SLC1A1: variants seen among roughly 807,000 people sequenced by gnomAD.
SLC1A1 encodes excitatory amino acid transporter 3.
A neutral mutation model predicts 53.3 loss-of-function variants in SLC1A1; 43 were observed. The ratio of observed to expected loss-of-function variants is 0.81; its 90% CI spans 0.63 to 1.04. The LOEUF is 1.04. Ranked by LOEUF, SLC1A1 falls within the 50% of genes least tolerant of loss-of-function variation. The pLI, the probability that SLC1A1 is intolerant of heterozygous loss-of-function variation, is 0.00. For synonymous variants in SLC1A1, 307 were observed against 243.2 expected (o/e 1.26, Z -2.44); for missense variants, 748 against 664.9 (o/e 1.12, Z -1.37).
At chr9:4,520,725 T>C (rs1253751953) in intron 1 of SLC1A1, among the ~76,000 whole-genome samples, 2 of 152,242 alleles carry the variant, frequency 1.3e-5, no homozygotes, top group Non-Finnish European at 2.9e-5. Context: ...GTTGTGAACA[T>C]TTCTTGTACA....
chr9:4,542,857 A>G (rs1817135997), intron 1 of SLC1A1, among the ~76,000 whole-genome samples: 1 of 152,206 alleles, frequency 6.6e-6, no homozygotes, highest in African/African-American at 2.4e-5. Flanking sequence ...AGCATTGATA[A>G]TAGAGTTTTG....
At chr9:4,493,705 C>G (rs1820317559) in intron 1 of SLC1A1, among the ~76,000 whole-genome samples, 1 of 152,106 alleles carries the variant, frequency 6.6e-6, no homozygotes. Context: ...GAGTTTGAGA[C>G]CAGCCTGATC....
intron 7 of SLC1A1, 133 bp from the exon 8 acceptor site, chr9:4,573,774 A>G: frequency 2.6e-6 from 2 of 759,288 alleles, no homozygotes; most frequent in Non-Finnish European, 4.9e-6. Context: ...CTTAGCTTCA[A>G]TTCCCATCCT....
intron 1 of SLC1A1, among the ~76,000 whole-genome samples, chr9:4,523,553 A>T (rs1816159151): frequency 6.6e-6 from 1 of 152,216 alleles, no homozygotes; most frequent in African/African-American, 2.4e-5. Flanking sequence ...AATTTTGTTA[A>T]TTTGGTCATA....
chr9:4,543,229 A>G (rs781689601), intron 1 of SLC1A1, among the ~76,000 whole-genome samples: 1 of 152,180 alleles, frequency 6.6e-6, no homozygotes, highest in Non-Finnish European at 1.5e-5. Context: ...TTCACAAACT[A>G]ATTACTTGAG....
At chr9:4,562,006 C>T (rs1818994113) in intron 3 of SLC1A1, among the ~76,000 whole-genome samples, 1 of 151,566 alleles carries the variant, frequency 6.6e-6, no homozygotes, top group African/African-American at 2.4e-5. Flanking sequence ...GATCTGCCTG[C>T]CTCAGCCTCC....
intron 1 of SLC1A1, among the ~76,000 whole-genome samples, chr9:4,523,675 A>G (rs1486564307): frequency 6.6e-6 from 1 of 152,244 alleles, no homozygotes; most frequent in Non-Finnish European, 1.5e-5. Context: ...ATTTCATGAG[A>G]AAATCTATAA....
At chr9:4,544,862 A>G (rs1439837140) in intron 2 of SLC1A1, among the ~76,000 whole-genome samples, 155 bp downstream of exon 2, 2 of 152,212 alleles carry the variant, frequency 1.3e-5, no homozygotes, top group Non-Finnish European at 2.9e-5. Flanking sequence ...ATCATGGCGG[A>G]AGGCAAAGGG....
chr9:4,565,201 T>C (rs1322690485), intron 4 of SLC1A1, among the ~76,000 whole-genome samples: 3 of 152,364 alleles, frequency 2.0e-5, no homozygotes, highest in East Asian at 3.9e-4. Flanking sequence ...TCCAGGTATG[T>C]GGCTTAGATT....
intron 4 of SLC1A1, among the ~76,000 whole-genome samples, chr9:4,564,825 G>A (rs1397290179): frequency 6.6e-6 from 1 of 152,116 alleles, no homozygotes; most frequent in Non-Finnish European, 1.5e-5. Flanking sequence ...GGGTAAATAG[G>A]TCAGTCAATA....
At chr9:4,557,269 T>C (rs1444553618) in intron 2 of SLC1A1, among the ~76,000 whole-genome samples, 1 of 152,236 alleles carries the variant, frequency 6.6e-6, no homozygotes, top group Non-Finnish European at 1.5e-5. Flanking sequence ...ATCAGTGCAG[T>C]GATGGAACTA....
At position 4,544,547 on chromosome 9, in the gene SLC1A1, C is replaced by T. The variant is rs756876447; in HGVS notation, c.92-20C>T. On this transcript the variant is annotated intron_variant, in intron 1 of 11. Coordinates refer to ENST00000262352, the MANE Select transcript of SLC1A1 (RefSeq NM_004170.6). ...TCAATAATGTTCCTCTTCCTTCTTT[C>T]CAACTCTTGTTTTCCTTAGGCATTA... 27 of 1,611,214 alleles carry T rather than the reference C, an allele frequency of 1.7e-5. No homozygotes were observed. In the East Asian group the frequency reaches 5.8e-4, roughly 35 times the overall value.
chr9:4,544,534 C>T (rs1406632231), intron 1 of SLC1A1, 33 bp from the exon 2 acceptor site: 1 of 1,606,578 alleles, frequency 6.2e-7, no homozygotes. Context: ...AATAATGTTC[C>T]TCTTCCTTCT....
chr9:4,503,877 G>A lies in SLC1A1; in HGVS notation c.91+13107G>A, dbSNP rs563577030. Among the ~76,000 whole-genome samples the A allele has an allele frequency of 5.4e-5, 8 of 148,312 alleles. No homozygotes were observed. The South Asian group carries it at 1.7e-3, about 31-fold the overall frequency. The stretch of plus-strand genomic sequence containing the variant: ...GAATTAAAACAGGTAAATCTTTGAT[G>A]AACCAATCCCATTGATCCCCTAGAA... On this transcript the variant is annotated intron_variant, in intron 1 of 11. Transcript: ENST00000262352.
chr9:4,490,611 C>T lies in SLC1A1; in HGVS notation c.-69C>T, dbSNP rs985750969. On this transcript the variant is annotated 5_prime_UTR_variant, in exon 1 of 12. Coordinates refer to ENST00000262352, the MANE Select transcript of SLC1A1 (RefSeq NM_004170.6). The stretch of plus-strand genomic sequence containing the variant: ...CGCATCTCGCCGCGCCGCCGAGCAG[C>T]CAGCAGTCCCCGGGTCGCCCAGCCC... The T allele has an allele frequency of 1.5e-6, 2 of 1,297,332 alleles. No homozygotes were observed. Among genetic ancestry groups the T allele is most frequent in the African/African-American group, 1.5e-5 (1 of 68,310 alleles). The allele number at this position is 1,297,332 out of a possible 1,614,324, so 80.4% of individuals were successfully genotyped here.
chr9:4,510,186 G>T (rs1249321529), intron 1 of SLC1A1, among the ~76,000 whole-genome samples: 1 of 152,182 alleles, frequency 6.6e-6, no homozygotes, highest in Non-Finnish European at 1.5e-5. Flanking sequence ...GGCATTATGG[G>T]AAATGAGAGG....
chr9:4,514,226 C>T (rs917132262), intron 1 of SLC1A1, among the ~76,000 whole-genome samples: 1 of 152,174 alleles, frequency 6.6e-6, no homozygotes, highest in African/African-American at 2.4e-5. Context: ...CCTTAAGAGT[C>T]AGTTGGTGCA....
chr9:4,553,106 A>G lies in SLC1A1; in HGVS notation c.233-8343A>G, dbSNP rs75022215. Among the ~76,000 whole-genome samples the G allele has an allele frequency of 5.2e-3, 796 of 152,302 alleles. 8 individuals carry two copies. The highest frequency in any genetic ancestry group is 0.018 in the African/African-American group (755 of 41,568). On this transcript the variant is annotated intron_variant, in intron 2 of 11. Transcript: ENST00000262352. ...CATATTTAGGTTGTGGCAAAAACCCAGAAAAGTCTCACTGAGCCATTAGCT... is the reference window on the plus strand; with the variant it reads ...CATATTTAGGTTGTGGCAAAAACCCGGAAAAGTCTCACTGAGCCATTAGCT...
intron 2 of SLC1A1, among the ~76,000 whole-genome samples, chr9:4,559,564 C>A (rs557897309): frequency 1.1e-4 from 17 of 152,086 alleles, no homozygotes; most frequent in African/African-American, 3.1e-4. Flanking sequence ...AATGGATAGG[C>A]CTTTTAGTGT....
Sources: gnomAD v4.1 joint callset for allele counts (sites outside exome capture counted in the v4.1 genomes callset) on GRCh38, gnomAD v4.1.1 for gene constraint, MANE v1.5 for transcripts, NCBI Gene and HGNC (gene_info 2026-07-23, HGNC 2026-07-21) for gene names.